The following OR10H1 variants were observed in gnomAD, a reference collection of about 807,000 sequenced individuals.
The protein encoded by OR10H1 is olfactory receptor family 10 subfamily H member 1.
Under a neutral mutation model 13.1 loss-of-function variants are expected in OR10H1, and 12 were observed. That is an observed-to-expected ratio of 0.92 (90% CI 0.59 to 1.48). OR10H1 has a LOEUF of 1.48. Ranked by LOEUF, OR10H1 falls within the 40% of genes most tolerant of loss-of-function variation. The pLI is 0.00. For missense variants in OR10H1, 363 were observed against 413.1 expected (o/e 0.88, Z 1.05); for synonymous variants, 168 against 175.6 (o/e 0.96, Z 0.34).
chr19:15,807,461 C>T lies in OR10H1; in HGVS notation c.577G>A (p.Val193Met). 1 of 1,614,232 alleles carries T rather than the reference C, an allele frequency of 6.2e-7. No individual in the cohort carries two copies. The highest frequency in any genetic ancestry group is 1.1e-5 in the South Asian group (1 of 91,084). The change falls in exon 4 of 4, where the codon GTG (valine) becomes ATG (methionine). Residue 193 changes from valine to methionine, a missense_variant. By Grantham distance (21) the Val-to-Met change is conservative. Around this residue, in one of 3 missense-constraint regions of OR10H1, gnomAD observed 318 missense variants for 366.6 expected, o/e 0.87. Transcript: ENST00000641419. Reference protein sequence around the residue: ...PLLKLACGDDVLVVAKGVGLV... With the variant: ...PLLKLACGDDMLVVAKGVGLV... ...CCCACGCCTTTGGCCACCACCAGCA[C>T]ATCGTCTCCACAGGCCAACTTCAAC...
chr19:15,811,781 G>T (rs2088933695), intron 2 of OR10H1, among the ~76,000 whole-genome samples: 1 of 152,192 alleles, frequency 6.6e-6, no homozygotes, highest in Non-Finnish European at 1.5e-5. Context: ...GGTAACAGCA[G>T]GCATTGGTTC....
intron 1 of OR10H1, among the ~76,000 whole-genome samples, chr19:15,813,416 G>C (rs1169028853): frequency 6.6e-6 from 1 of 151,898 alleles, no homozygotes; most frequent in African/African-American, 2.4e-5. Flanking sequence ...AGGTAAAACA[G>C]AGAGAGAGAA....
In OR10H1 at chr19:15,812,585, G is replaced by A. The variant is rs1235965016; in HGVS notation, c.-484C>T. ...AGGAGAGTGAGGAAGGAAGAAAGGA[G>A]GGAGGGAGGCAGGAAGGAAGGAGAG... is the stretch of plus-strand genomic sequence containing the variant. On this transcript the variant is annotated 5_prime_UTR_variant, in exon 2 of 4. Coordinates refer to ENST00000641419, the MANE Select transcript of OR10H1 (RefSeq NM_013940.4). 1 of 148,392 alleles carries A rather than the reference G, an allele frequency of 6.7e-6. No homozygotes were observed. The highest frequency in any genetic ancestry group is 1.5e-5 in the Non-Finnish European group (1 of 67,254). 9.2% of individuals were successfully genotyped at this position (148,392 alleles called of 1,614,324 possible).
rs143282709 is a variant in OR10H1, at chr19:15,807,625, G to C, written c.413C>G (p.Pro138Arg). 4.3e-6 allele frequency: 7 copies of C among 1,614,126 alleles called. No homozygotes were observed. In the East Asian group the frequency reaches 1.6e-4, roughly 36 times the overall value. Residue 138 changes from proline (P) to arginine (R), a missense_variant, in exon 4 of 4, where the codon CCG becomes CGG. Pro to Arg is a moderately radical substitution (Grantham distance 103). Transcript: ENST00000641419. ...HPLRYNVLMS[P>R]RGCACLVGCS... ...GCCCACCAGGCAGGCGCAGCCCCGC[G>C]GGCTCATGAGCACGTTGTAGCGCAG...
chr19:15,812,729 G>GT lies in OR10H1; in HGVS notation c.-629_-628insA, dbSNP rs1310976865. ...AGTGAGATAGGAAGAAACGAGGGAG[G>GT]GAGGAATGGAGGGAGGAAGGAAGGG... On this transcript the variant is annotated 5_prime_UTR_variant, in exon 2 of 4. The change abolishes the stop of an existing upstream ORF in the 5' untranslated region. Coordinates refer to ENST00000641419, the MANE Select transcript of OR10H1 (RefSeq NM_013940.4). The GT allele has an allele frequency of 6.8e-6, 1 of 146,948 alleles. No individual in the cohort carries two copies. The highest frequency in any genetic ancestry group is 2.6e-4 in the East Asian group (1 of 3,868). The allele number at this position is 146,948 out of a possible 1,614,324, so 9.1% of individuals were successfully genotyped here.
In OR10H1 at chr19:15,807,266, C is replaced by T. The variant is rs780602555; in HGVS notation, c.772G>A (p.Val258Ile). 20 of 1,613,944 alleles carry T rather than the reference C, an allele frequency of 1.2e-5. No homozygotes were observed. Among genetic ancestry groups the T allele is most frequent in the East Asian group, 4.5e-5 (2 of 44,886 alleles). The change falls in exon 4 of 4, where the codon GTC (valine) becomes ATC (isoleucine). Residue 258 changes from valine to isoleucine, a missense_variant. Physicochemically the swap from Val to Ile is conservative, Grantham distance 29. Coordinates refer to ENST00000641419, the MANE Select transcript of OR10H1 (RefSeq NM_013940.4). ...VVVVHYGFAS[V>I]IYLKPKSPQS... ...GGACTTTTGGGCTTCAGGTAAATGACGGAGGCAAAGCCATAGTGCACGACC... is the reference window on the plus strand; with the variant it reads ...GGACTTTTGGGCTTCAGGTAAATGATGGAGGCAAAGCCATAGTGCACGACC...
chr19:15,814,724 C>T (rs1332481398), intron 1 of OR10H1, among the ~76,000 whole-genome samples: 1 of 152,050 alleles, frequency 6.6e-6, no homozygotes, highest in African/African-American at 2.4e-5. Context: ...AGGCTGGCCT[C>T]AAACTCTTGG....
chr19:15,814,747 C>T (rs186270722), intron 1 of OR10H1, among the ~76,000 whole-genome samples: 5 of 152,242 alleles, frequency 3.3e-5, no homozygotes, highest in African/African-American at 1.2e-4. Flanking sequence ...TCAAGTGATC[C>T]TCCCACCTTG....
Position 15,807,458 on chromosome 19 carries a change from G to C in OR10H1, c.580C>G (p.Leu194Val), listed in dbSNP as rs1308256766. Residue 194 changes from leucine (L) to valine (V), a missense_variant, in exon 4 of 4, where the codon CTG becomes GTG. By Grantham distance (32) the Leu-to-Val change is conservative (BLOSUM62 1). Transcript: ENST00000641419. ...LLKLACGDDVLVVAKGVGLVC... is the reference protein window; with the variant it reads ...LLKLACGDDVVVVAKGVGLVC... ...AAGCCCACGCCTTTGGCCACCACCA[G>C]CACATCGTCTCCACAGGCCAACTTC... The C allele has an allele frequency of 3.1e-6, 5 of 1,614,228 alleles. No homozygotes were observed. In the South Asian group the frequency reaches 5.5e-5, roughly 18 times the overall value.
intron 1 of OR10H1, among the ~76,000 whole-genome samples, chr19:15,813,827 G>C (rs1358194970): frequency 6.6e-6 from 1 of 151,448 alleles, no homozygotes; most frequent in East Asian, 1.9e-4. Flanking sequence ...GAGAGAGAGA[G>C]AAGTGGAGAG....
Position 15,807,080 on chromosome 19 carries a change from C to A in OR10H1, c.*1G>T, listed in dbSNP as rs781390501. The A allele has an allele frequency of 6.2e-7, 1 of 1,608,466 alleles. No homozygotes were observed. Among genetic ancestry groups the A allele is most frequent in the South Asian group, 1.1e-5 (1 of 90,314 alleles). On this transcript the variant is annotated 3_prime_UTR_variant, in exon 4 of 4. Transcript: ENST00000641419. The stretch of plus-strand genomic sequence containing the variant: ...ATTTAGTTGTTCCCAGTGAATTTCT[C>A]CTACATCATTACATTTTTTTCTGGG...
At chr19:15,810,287 C>G (rs1320687590) in intron 2 of OR10H1, among the ~76,000 whole-genome samples, 2 of 93,480 alleles carry the variant, frequency 2.1e-5, no homozygotes, top group Non-Finnish European at 4.3e-5. Flanking sequence ...GAGCAAGACT[C>G]CTTCTCAAAA....
chr19:15,809,513 G>T (rs1329807925), intron 2 of OR10H1, among the ~76,000 whole-genome samples: 1 of 152,004 alleles, frequency 6.6e-6, no homozygotes, highest in South Asian at 2.1e-4. Context: ...GGCTGGTCTG[G>T]AACTCCACCC....
rs1190524789 is a variant in OR10H1, at chr19:15,812,746, A to AAGGG, written c.-646_-645insCCCT. The AAGGG allele has an allele frequency of 2.0e-5, 3 of 146,596 alleles. No individual in the cohort carries two copies. The highest frequency in any genetic ancestry group is 4.5e-5 in the Non-Finnish European group (3 of 67,026). 9.1% of individuals were successfully genotyped at this position (146,596 alleles called of 1,614,324 possible). A position where few individuals can be genotyped will look rare whatever the true frequency, so the allele number is the denominator to read the frequency against. On this transcript the variant is annotated 5_prime_UTR_variant, in exon 2 of 4. It removes the in-frame stop codon of an upstream open reading frame in the 5' UTR. Transcript: ENST00000641419. ...CGAGGGAGGGAGGAATGGAGGGAGG[A>AAGGG]AGGAAGGGAGGGAGGGAGAAACCTT...
rs2088942614 is a variant in OR10H1, at chr19:15,812,889, C to G, written c.-777-11G>C. ...GGTAGTCCAGTCATTCTGGAAAAATCAAAACCATGGAGACAGCAAAAGATC... is the reference window on the plus strand; with the variant it reads ...GGTAGTCCAGTCATTCTGGAAAAATGAAAACCATGGAGACAGCAAAAGATC... On this transcript the variant is annotated splice_polypyrimidine_tract_variant and intron_variant, in intron 1 of 3. Coordinates refer to ENST00000641419, the MANE Select transcript of OR10H1 (RefSeq NM_013940.4). 1 of 151,956 alleles carries G rather than the reference C, an allele frequency of 6.6e-6. No homozygotes were observed. Among genetic ancestry groups the G allele is most frequent in the Non-Finnish European group, 1.5e-5 (1 of 68,004 alleles). The allele number at this position is 151,956 out of a possible 1,614,324, so 9.4% of individuals were successfully genotyped here.
chr19:15,806,490 C>CA lies in OR10H1; in HGVS notation c.*590dup, dbSNP rs1242907940. 1 of 154,140 alleles carries CA rather than the reference C, an allele frequency of 6.5e-6. No homozygotes were observed. The highest frequency in any genetic ancestry group is 1.4e-5 in the Non-Finnish European group (1 of 69,472). 9.5% of individuals were successfully genotyped at this position (154,140 alleles called of 1,614,324 possible). A position where few individuals can be genotyped will look rare whatever the true frequency, so the allele number is the denominator to read the frequency against. ...GCACAGTCATAGTTCACTGTAAGCT[C>CA]AAACTTCTGGACTTAGGCAGTAATC... On this transcript the variant is annotated 3_prime_UTR_variant, in exon 4 of 4. Coordinates refer to ENST00000641419, the MANE Select transcript of OR10H1 (RefSeq NM_013940.4).
Position 15,808,065 on chromosome 19 carries a change from C to A in OR10H1, c.-11-17G>T, listed in dbSNP as rs1251883894. ...AGGCTGTGCCTGGGGTGAGATGTGA[C>A]AGGGAGATGTCAGTTACTGCATGAA... On this transcript the variant is annotated splice_polypyrimidine_tract_variant and intron_variant, in intron 3 of 3. Transcript: ENST00000641419. 1 of 1,581,414 alleles carries A rather than the reference C, an allele frequency of 6.3e-7. No homozygotes were observed. The highest frequency in any genetic ancestry group is 1.3e-5 in the African/African-American group (1 of 74,360).
At position 15,806,966 on chromosome 19, in the gene OR10H1, A is replaced by G; in HGVS notation, c.*115T>C. 2.1e-6 allele frequency: 2 copies of G among 944,506 alleles called. No homozygotes were observed. The highest frequency in any genetic ancestry group is 3.2e-5 in the South Asian group (2 of 63,028). The allele number at this position is 944,506 out of a possible 1,614,324, so 58.5% of individuals were successfully genotyped here. A position where few individuals can be genotyped will look rare whatever the true frequency, so the allele number is the denominator to read the frequency against. The stretch of plus-strand genomic sequence containing the variant: ...GGTCTCAAACTCCTGACCTCAGGTG[A>G]TCCGCCTGCCTCGGCCTCCCAAAGT... On this transcript the variant is annotated 3_prime_UTR_variant, in exon 4 of 4. Transcript: ENST00000641419.
chr19:15,814,529 G>A (rs984015590), intron 1 of OR10H1, among the ~76,000 whole-genome samples: 8 of 132,956 alleles, frequency 6.0e-5, no homozygotes, highest in Admixed American at 2.3e-4. Context: ...GAGAGAGAGA[G>A]AGAGACAGGG....
Sources: gnomAD v4.1 joint callset for allele counts (sites outside exome capture counted in the v4.1 genomes callset) on GRCh38, gnomAD v4.1.1 for gene constraint, gnomAD v4.1.1 regional missense constraint, MANE v1.5 for transcripts, NCBI Gene and HGNC (gene_info 2026-07-23, HGNC 2026-07-21) for gene names.